ITPR1: variants seen among roughly 807,000 people sequenced by gnomAD.
ITPR1 encodes inositol 1,4,5-trisphosphate receptor type 1.
ITPR1 carries 96 observed loss-of-function variants against 318.4 expected under a neutral mutation model. The ratio of observed to expected loss-of-function variants is 0.30; its 90% CI spans 0.26 to 0.36. ITPR1 has a LOEUF of 0.36. Among genes scored for constraint, ITPR1 ranks in the 10% least tolerant of loss-of-function variants. The pLI, the probability that ITPR1 is intolerant of heterozygous loss-of-function variation, is 1.00. For synonymous variants in ITPR1, 1,312 were observed against 1,289.9 expected (o/e 1.02, Z -0.37); for missense variants, 2,440 against 3,460.2 (o/e 0.71, Z 7.40).
intron 4 of ITPR1, among the ~76,000 whole-genome samples, chr3:4,566,916 A>G (rs978323129): frequency 2.6e-5 from 4 of 152,148 alleles, no homozygotes; most frequent in African/African-American, 4.8e-5. Context: ...AGCTTAGGCA[A>G]TCTTCCATTC....
intron 18 of ITPR1, 140 bp from the exon 19 acceptor site, chr3:4,669,514 C>A: frequency 1.5e-6 from 1 of 672,474 alleles, no homozygotes; most frequent in Non-Finnish European, 2.3e-6. Context: ...ATGCCATAAA[C>A]ATTGGCATCA....
chr3:4,550,928 G>A (rs1034488686), intron 4 of ITPR1, among the ~76,000 whole-genome samples: 3 of 151,958 alleles, frequency 2.0e-5, no homozygotes, highest in African/African-American at 7.3e-5. Context: ...ACTTGTTGAA[G>A]ATTGAGATGA....
chr3:4,511,365 C>T (rs1327192060), intron 2 of ITPR1, among the ~76,000 whole-genome samples: 1 of 152,112 alleles, frequency 6.6e-6, no homozygotes, highest in African/African-American at 2.4e-5. Flanking sequence ...GGAAGCTCAG[C>T]CAGAGGGTGG....
intron 52 of ITPR1, among the ~76,000 whole-genome samples, chr3:4,792,204 A>C (rs1449718435): frequency 1.3e-5 from 2 of 152,190 alleles, no homozygotes; most frequent in East Asian, 3.9e-4. Context: ...ACCTACCTAG[A>C]TAATCCAAGA....
At chr3:4,787,331 C>G (rs2047258147) in intron 51 of ITPR1, among the ~76,000 whole-genome samples, 1 of 97,188 alleles carries the variant, frequency 1.0e-5, no homozygotes, top group Non-Finnish European at 2.0e-5. Context: ...AAACGAGACT[C>G]CATCTCAAAA....
At position 4,737,393 on chromosome 3, in the gene ITPR1, A is replaced by G. The variant is rs538438820; in HGVS notation, c.5544+2039A>G. 2.0e-5 allele frequency among the ~76,000 whole-genome samples: 3 copies of G among 152,250 alleles called. No homozygotes were observed. In the East Asian group the frequency reaches 5.8e-4, roughly 29 times the overall value. Reference sequence around the variant, plus strand: ...CTGTGGATGAAATGGGCTTTCAAGGATGGACATGGGACTGAAAGGGGGAAA... The same window carrying G: ...CTGTGGATGAAATGGGCTTTCAAGGGTGGACATGGGACTGAAAGGGGGAAA... On this transcript the variant is annotated intron_variant, in intron 44 of 61. Coordinates refer to ENST00000649015, the MANE Select transcript of ITPR1 (RefSeq NM_001378452.1).
At chr3:4,520,506 C>T (rs1049384132) in intron 3 of ITPR1, among the ~76,000 whole-genome samples, 42 of 152,198 alleles carry the variant, frequency 2.8e-4, no homozygotes, top group Admixed American at 2.7e-3. Flanking sequence ...AGAACTTCCT[C>T]TGTCTGCAGC....
In ITPR1 at chr3:4,516,555, T is replaced by A. The variant is rs778551906; in HGVS notation, c.64T>A (p.Ser22Thr). 4 of 1,604,942 alleles carry A rather than the reference T, an allele frequency of 2.5e-6. No homozygotes were observed. The highest frequency in any genetic ancestry group is 3.4e-6 in the Non-Finnish European group (4 of 1,175,834). Reference sequence around the variant, plus strand: ...CATTTGTTCTCTGTACGCGGAGGGATCGACAAATGGATTTATTAGCACCTT... The same window carrying A: ...CATTTGTTCTCTGTACGCGGAGGGAACGACAAATGGATTTATTAGCACCTT... ...GDICSLYAEGSTNGFISTLGL... is the reference protein window; with the variant it reads ...GDICSLYAEGTTNGFISTLGL... Residue 22 changes from serine to threonine, a missense_variant, in exon 3 of 62, where the codon TCG (serine) becomes ACG (threonine). Physicochemically the swap from Ser to Thr is moderately conservative, Grantham distance 58. Around this residue, in one of 23 missense-constraint regions of ITPR1, gnomAD observed 186 missense variants for 323.9 expected, o/e 0.57. Transcript: ENST00000649015.
At chr3:4,824,098 G>T (rs190107669) in intron 60 of ITPR1, among the ~76,000 whole-genome samples, 1 of 152,118 alleles carries the variant, frequency 6.6e-6, no homozygotes, top group African/African-American at 2.4e-5. Context: ...CAGCATATTC[G>T]TCGACTAACG....
chr3:4,678,681 A>G (rs13322594), intron 24 of ITPR1, among the ~76,000 whole-genome samples: 1 of 152,020 alleles, frequency 6.6e-6, no homozygotes, highest in African/African-American at 2.4e-5. Context: ...TCCACATGGT[A>G]AAGATCAGAG....
chr3:4,649,364 C>A, intron 10 of ITPR1, among the ~76,000 whole-genome samples: 2 of 152,230 alleles, frequency 1.3e-5, no homozygotes, highest in Admixed American at 1.3e-4. Flanking sequence ...TCTGGAAAGT[C>A]AAGTGCCCCT....
intron 2 of ITPR1, among the ~76,000 whole-genome samples, chr3:4,500,046 G>A (rs897610296): frequency 1.3e-5 from 2 of 152,246 alleles, no homozygotes; most frequent in Admixed American, 6.5e-5. Flanking sequence ...GGCTGGTAAA[G>A]TTCCTGAGAT....
At chr3:4,684,932 C>G in intron 29 of ITPR1, 137 bp from the exon 30 acceptor site, 1 of 773,828 alleles carries the variant, frequency 1.3e-6, no homozygotes, top group South Asian at 1.7e-5. Flanking sequence ...ACAGAAATGC[C>G]ACATACTGAA....
chr3:4,830,747 C>T (rs770444390), intron 60 of ITPR1, among the ~76,000 whole-genome samples: 10 of 152,256 alleles, frequency 6.6e-5, no homozygotes, highest in Admixed American at 2.6e-4. Flanking sequence ...AGACCATCTT[C>T]GCCTCCTTGC....
chr3:4,626,402 A>G (rs990515912), intron 4 of ITPR1, among the ~76,000 whole-genome samples: 1 of 152,194 alleles, frequency 6.6e-6, no homozygotes, highest in Admixed American at 6.5e-5. Flanking sequence ...ATTAAAAACA[A>G]TATTTTAAGT....
chr3:4,525,415 A>G (rs2082899374), intron 4 of ITPR1, among the ~76,000 whole-genome samples: 1 of 152,138 alleles, frequency 6.6e-6, no homozygotes, highest in Admixed American at 6.5e-5. Flanking sequence ...TTTTTCTCTG[A>G]TGGTTGAAAG....
intron 39 of ITPR1, among the ~76,000 whole-genome samples, chr3:4,712,796 G>A (rs1282019408): frequency 6.6e-6 from 1 of 152,150 alleles, no homozygotes; most frequent in Non-Finnish European, 1.5e-5. Flanking sequence ...GAGACTCCTT[G>A]GATAAGAAAA....
At chr3:4,564,188 G>A (rs560931547) in intron 4 of ITPR1, among the ~76,000 whole-genome samples, 23 of 152,078 alleles carry the variant, frequency 1.5e-4, no homozygotes, top group Admixed American at 2.0e-4. Flanking sequence ...TGATCCACCC[G>A]CCTCGGCCTC....
intron 54 of ITPR1, among the ~76,000 whole-genome samples, chr3:4,800,931 G>C (rs912144760): frequency 6.6e-6 from 1 of 152,188 alleles, no homozygotes; most frequent in Non-Finnish European, 1.5e-5. Context: ...TGGGACAGAA[G>C]ATTTTAGACA....
Sources: gnomAD v4.1 joint callset for allele counts (sites outside exome capture counted in the v4.1 genomes callset) on GRCh38, gnomAD v4.1.1 for gene constraint, gnomAD v4.1.1 regional missense constraint, MANE v1.5 for transcripts, NCBI Gene and HGNC (gene_info 2026-07-23, HGNC 2026-07-21) for gene names.